Variants in CEP72 observed in about 807,000 individuals in gnomAD.
The protein encoded by CEP72 is centrosomal protein 72, also known as centrosomal protein of 72 kDa.
Under a neutral mutation model 65.7 loss-of-function variants are expected in CEP72, and 78 were observed. The observed-to-expected ratio is 1.19, with a 90% CI of 0.99 to 1.43. The LOEUF is 1.43. Ranked by LOEUF, CEP72 falls within the 40% of genes most tolerant of loss-of-function variation. The pLI, the probability that CEP72 is intolerant of heterozygous loss-of-function variation, is 0.00. For synonymous variants in CEP72, 358 were observed against 351.7 expected, an observed-to-expected ratio of 1.02 and a Z score of -0.20; for missense variants, 914 against 832.9, an observed-to-expected ratio of 1.10 and a Z score of -1.20.
At chr5:657,874 G>A (rs765060880), downstream of CEP72, among the ~76,000 whole-genome samples, 2 of 152,222 alleles carry the variant, frequency 1.3e-5, no homozygotes, top group Non-Finnish European at 2.9e-5. Flanking sequence ...CGTTGTGTGA[G>A]TAATACATTT....
chr5:671,198 TTGC>T (rs1415875695), downstream of CEP72, among the ~76,000 whole-genome samples: 5 of 152,186 alleles, frequency 3.3e-5, no homozygotes, highest in Non-Finnish European at 5.9e-5. Context: ...CACCCTGCGC[TTGC>T]TGCTAATTAA....
rs1284116031 is a variant in CEP72 at position 640,622 on chromosome 5, CTG to C, written c.1539+22_1539+23del. Reference sequence around the variant, plus strand: ...AGGAGCTGGTGAGCCCGCCCTGGCGCTGTGTCTGTGTCCATGTGACTGGGGGA... The same window carrying C: ...AGGAGCTGGTGAGCCCGCCCTGGCGCTGTCTGTGTCCATGTGACTGGGGGA... On this transcript the variant is annotated intron_variant, in intron 9 of 11. Coordinates refer to ENST00000264935, the MANE Select transcript of CEP72 (RefSeq NM_018140.4). The C allele has an allele frequency of 6.3e-7, 1 of 1,596,282 alleles. No homozygotes were observed. The highest frequency in any genetic ancestry group is 1.1e-5 in the South Asian group (1 of 89,668).
chr5:624,671 A>G lies in CEP72; in HGVS notation c.512+92A>G. The G allele has an allele frequency of 3.2e-6, 3 of 946,330 alleles. No homozygotes were observed. In the Admixed American group the frequency reaches 5.7e-5, roughly 18 times the overall value. 58.6% of individuals were successfully genotyped at this position (946,330 alleles called of 1,614,324 possible). A position where few individuals can be genotyped will look rare whatever the true frequency, so the allele number is the denominator to read the frequency against. On this transcript the variant is annotated intron_variant, in intron 4 of 11. Transcript: ENST00000264935. This position sits in a 1 kb window ranked among gnomAD's most constrained non-coding sequence, Gnocchi z 4.7. ...GAACGTCATTCACTGTGTGCCGGTC[A>G]CTCTCCAGGGGCGGACACCAGGAGG...
chr5:618,793 G>A (rs1345315081), intron 1 of CEP72, among the ~76,000 whole-genome samples, 197 bp from the exon 2 acceptor site: 1 of 152,128 alleles, frequency 6.6e-6, no homozygotes, highest in Admixed American at 6.5e-5. Context: ...TGAGGGTGGG[G>A]GTTTTGGCCG....
chr5:653,013 C>T lies in CEP72; in HGVS notation c.1804C>T (p.Leu602=), dbSNP rs761087650. 6.2e-7 allele frequency: 1 copy of T among 1,612,774 alleles called. No individual in the cohort carries two copies. Among genetic ancestry groups the T allele is most frequent in the African/African-American group, 1.3e-5 (1 of 74,920 alleles). The change falls in exon 12 of 12, where the codon CTG becomes TTG. Residue 602 remains leucine (L), a synonymous_variant. Transcript: ENST00000264935. ...CTCCCTGGTCAGCACCAATGAACAC[C>T]TGCTGCAGGAGCTGAGCCAGGTGCG... ...HSSLVSTNEH[L]LQELSQVRAQ...
chr5:635,414 GT>G lies in CEP72; in HGVS notation c.735del (p.Cys245TrpfsTer123). On this transcript the variant is annotated frameshift_variant, in exon 6 of 12. Coordinates refer to ENST00000264935, the MANE Select transcript of CEP72 (RefSeq NM_018140.4). LOFTEE classifies it high-confidence loss of function. ...AGCCCGCAGTTGGTACAGTACCAGT[GT>G]GGGGACTCTGGGAAGCAGGGCCGTG... ...LLSPQLVQYQ[C>X]GDSGKQGRET... 6.2e-7 allele frequency: 1 copy of G among 1,614,104 alleles called. No homozygotes were observed. Among genetic ancestry groups the G allele is most frequent in the Non-Finnish European group, 8.5e-7 (1 of 1,179,934 alleles).
At chr5:612,679 A>G (rs975189516) in intron 1 of CEP72, 11 of 893,020 alleles carry the variant, frequency 1.2e-5, no homozygotes, top group South Asian at 1.1e-4. Context: ...CTGCCTGTCT[A>G]TCGGGTCACT....
intron 9 of CEP72, chr5:644,065 C>T (rs1034905444): frequency 2.2e-5 from 11 of 493,986 alleles, no homozygotes; most frequent in Middle Eastern, 5.6e-4. Context: ...AGGACTGGGG[C>T]GCTCCTTTCC....
intron 2 of CEP72, chr5:665,043 G>A (rs931016269): frequency 5.2e-6 from 8 of 1,551,272 alleles, no homozygotes; most frequent in African/African-American, 4.1e-5. Flanking sequence ...AATGAAGTGC[G>A]AGGTGACAGA....
rs375682809 is a variant in CEP72 at position 635,600 on chromosome 5, T to C, written c.904+16T>C. 3.6e-5 allele frequency: 57 copies of C among 1,576,392 alleles called. No homozygotes were observed. The African/African-American group carries it at 7.4e-4, about 21-fold the overall frequency. Reference sequence around the variant, plus strand: ...CCACACCCAGGTACTTACGCGTGTCTTAGTCTGTTTTCTGTTGCTGTAACA... The same window carrying C: ...CCACACCCAGGTACTTACGCGTGTCCTAGTCTGTTTTCTGTTGCTGTAACA... On this transcript the variant is annotated intron_variant, in intron 6 of 11. Coordinates refer to ENST00000264935, the MANE Select transcript of CEP72 (RefSeq NM_018140.4).
At chr5:627,889 AG>A (rs1268126536) in intron 4 of CEP72, among the ~76,000 whole-genome samples, 1 of 152,228 alleles carries the variant, frequency 6.6e-6, no homozygotes, top group African/African-American at 2.4e-5. Flanking sequence ...ATGAAAAGAA[AG>A]GGAGTAAAAG....
chr5:652,795 T>C (rs1320389846), intron 11 of CEP72, among the ~76,000 whole-genome samples, 193 bp from the exon 12 acceptor site: 3 of 151,850 alleles, frequency 2.0e-5, no homozygotes, highest in Non-Finnish European at 4.4e-5. Flanking sequence ...GTCAGGACAG[T>C]GGTTGGGAAG....
At chr5:654,365 CTG>C (rs1440724798), downstream of CEP72, among the ~76,000 whole-genome samples, 19 of 139,940 alleles carry the variant, frequency 1.4e-4, no homozygotes, top group African/African-American at 3.2e-4. Flanking sequence ...TGTGTGTGTG[CTG>C]TGTGTGCACG....
chr5:671,640 AG>A (rs1263866806), downstream of CEP72, among the ~76,000 whole-genome samples: 1 of 152,218 alleles, frequency 6.6e-6, no homozygotes, highest in Non-Finnish European at 1.5e-5. Flanking sequence ...CAGGAGCCAC[AG>A]GCCTTGACTG....
downstream of CEP72, among the ~76,000 whole-genome samples, chr5:670,422 G>T (rs1740177227): frequency 6.6e-6 from 1 of 152,134 alleles, no homozygotes; most frequent in Non-Finnish European, 1.5e-5. Context: ...AATCTCTGGG[G>T]AAACAGCCTC....
At chr5:616,945 GT>G (rs1736035188) in intron 1 of CEP72, among the ~76,000 whole-genome samples, 1 of 150,682 alleles carries the variant, frequency 6.6e-6, no homozygotes, top group Non-Finnish European at 1.5e-5. Flanking sequence ...TGTATGTGTT[GT>G]TGTGTGTGTG....
At chr5:615,531 GCGT>G (rs1735941191) in intron 1 of CEP72, among the ~76,000 whole-genome samples, 1 of 152,036 alleles carries the variant, frequency 6.6e-6, no homozygotes, top group Non-Finnish European at 1.5e-5. Flanking sequence ...TTTTTGCATG[GCGT>G]ATCTTTTCCT....
chr5:669,773 G>A (rs924880843), downstream of CEP72, among the ~76,000 whole-genome samples: 7 of 152,200 alleles, frequency 4.6e-5, no homozygotes, highest in Non-Finnish European at 7.4e-5. Context: ...TGCCCCACAC[G>A]GGCGGGGAGC....
chr5:637,893 G>A (rs1314807267), intron 7 of CEP72, 75 bp downstream of exon 7: 25 of 1,367,926 alleles, frequency 1.8e-5, no homozygotes, highest in Non-Finnish European at 2.4e-5. Context: ...CTTTGGCGGG[G>A]CCGTGATTAC....
Sources: gnomAD v4.1 joint callset for allele counts (sites outside exome capture counted in the v4.1 genomes callset) on GRCh38, gnomAD v4.1.1 for gene constraint, Gnocchi (gnomAD v3.1) non-coding constraint, MANE v1.5 for transcripts, NCBI Gene and HGNC (gene_info 2026-07-23, HGNC 2026-07-21) for gene names.